TTC39B: variants seen among roughly 807,000 people sequenced by gnomAD.
TTC39B encodes the protein tetratricopeptide repeat protein 39B.
In TTC39B, 92 loss-of-function variants were observed where a neutral mutation model predicts 96.6. That is an observed-to-expected ratio of 0.95 (90% CI 0.80 to 1.13). The LOEUF (loss-of-function observed/expected upper bound fraction) is 1.13, where lower values mean the gene tolerates loss of function less well. TTC39B is among the 50% of genes most tolerant of loss of function. TTC39B has a pLI of 0.00. For synonymous variants in TTC39B, 367 were observed against 299.4 expected, an observed-to-expected ratio of 1.23 and a Z score of -2.33; for missense variants, 955 against 809.3, an observed-to-expected ratio of 1.18 and a Z score of -2.18.
At chr9:15,252,512 G>T (rs956912805) in intron 2 of TTC39B, among the ~76,000 whole-genome samples, 1 of 152,170 alleles carries the variant, frequency 6.6e-6, no homozygotes, top group Non-Finnish European at 1.5e-5. Context: ...GCCGGCCGTG[G>T]TGGCTTATGC....
chr9:15,214,220 C>A (rs1269219113), exon 4 of TTC39B: 1 of 1,613,984 alleles, frequency 6.2e-7, no homozygotes, highest in East Asian at 2.2e-5. Flanking sequence ...TTCGAGGCCA[C>A]TCTTGAGATC....
intron 3 of TTC39B, among the ~76,000 whole-genome samples, chr9:15,222,047 G>C (rs1364662584): frequency 2.6e-5 from 4 of 152,350 alleles, no homozygotes; most frequent in South Asian, 2.1e-4. Flanking sequence ...AGTAACGTAA[G>C]TACAGTCAGA....
At chr9:15,244,287 C>T (rs1315899780) in intron 2 of TTC39B, among the ~76,000 whole-genome samples, 1 of 152,252 alleles carries the variant, frequency 6.6e-6, no homozygotes, top group Non-Finnish European at 1.5e-5. Context: ...ATTATCCTCT[C>T]TTACCACATG....
chr9:15,199,962 C>CA (rs1171542379), intron 7 of TTC39B, 37 bp from the exon 8 acceptor site: 1 of 1,300,298 alleles, frequency 7.7e-7, no homozygotes, highest in Admixed American at 2.2e-5. Context: ...GATTATTTAG[C>CA]AAAAAATTTT....
At chr9:15,189,836 G>A in intron 11 of TTC39B, 44 bp from the exon 12 acceptor site, 2 of 1,372,426 alleles carry the variant, frequency 1.5e-6, no homozygotes, top group Non-Finnish European at 2.0e-6. Context: ...TAAGACATGG[G>A]GATATTTATA....
intron 17 of TTC39B, among the ~76,000 whole-genome samples, chr9:15,178,458 C>T (rs1394528784): frequency 1.3e-5 from 2 of 152,064 alleles, no homozygotes; most frequent in Non-Finnish European, 2.9e-5. Context: ...TGCCTGTAGT[C>T]CCAGCTACTC....
chr9:15,190,672 T>C lies in TTC39B; in HGVS notation c.997-10A>G. 1 of 1,604,464 alleles carries C rather than the reference T, an allele frequency of 6.2e-7. No homozygotes were observed. Among genetic ancestry groups the C allele is most frequent in the South Asian group, 1.1e-5 (1 of 90,762 alleles). On this transcript the variant is annotated splice_polypyrimidine_tract_variant and intron_variant, in intron 10 of 19. Coordinates refer to ENST00000512701, the Ensembl canonical transcript of TTC39B. ...GCAGGAGGCCCAACTCCTATGGGAA[T>C]TAAATGCATTTTTAGAAAGAGAACA...
At chr9:15,279,496 C>A (rs1478483544) in intron 1 of TTC39B, among the ~76,000 whole-genome samples, 3 of 152,198 alleles carry the variant, frequency 2.0e-5, no homozygotes, top group Non-Finnish European at 4.4e-5. Context: ...CCCAGTTTCA[C>A]CACCCACTGG....
At chr9:15,190,374 C>T (rs2118782931) in intron 11 of TTC39B, among the ~76,000 whole-genome samples, 180 bp downstream of exon 11, 1 of 152,162 alleles carries the variant, frequency 6.6e-6, no homozygotes, top group African/African-American at 2.4e-5. Flanking sequence ...CAGGATCTCG[C>T]TCTGTGGCCC....
At chr9:15,175,042 G>A (rs1308956595) in exon 19 of TTC39B, 9 of 1,613,488 alleles carry the variant, frequency 5.6e-6, no homozygotes, top group African/African-American at 1.3e-5. Flanking sequence ...GGAACTTTAT[G>A]GCCTTGTCAA....
chr9:15,189,597 ACT>A lies in TTC39B; in HGVS notation c.1208_1209del (p.Glu403ValfsTer7), dbSNP rs2118764883. The stretch of plus-strand genomic sequence containing the variant: ...ACCTCTTCAAGATTCCCTTTCAGCA[ACT>A]CTATTCGGGCATGATAAAACAACAC... On this transcript the variant is annotated frameshift_variant, in exon 13 of 20. Transcript: ENST00000512701. LOFTEE classifies it high-confidence loss of function. 1.2e-6 allele frequency: 2 copies of A among 1,614,074 alleles called. 1 individual carries two copies. The highest frequency in any genetic ancestry group is 4.5e-5 in the East Asian group (2 of 44,876).
chr9:15,199,021 C>T (rs1235409893), intron 8 of TTC39B, among the ~76,000 whole-genome samples: 1 of 152,086 alleles, frequency 6.6e-6, no homozygotes, highest in Non-Finnish European at 1.5e-5. Flanking sequence ...ATTATAAAAG[C>T]CTAACAACAG....
chr9:15,207,843 G>A (rs1055682230), intron 6 of TTC39B, among the ~76,000 whole-genome samples: 7 of 151,094 alleles, frequency 4.6e-5, no homozygotes, highest in African/African-American at 1.7e-4. Flanking sequence ...AATTAGCCAG[G>A]CGTGGTGGCG....
chr9:15,249,618 A>G, intron 2 of TTC39B: 1 of 165,480 alleles, frequency 6.0e-6, no homozygotes, highest in Non-Finnish European at 1.3e-5. Flanking sequence ...TAAACCAGCC[A>G]TGGCATCCCG....
intron 7 of TTC39B, among the ~76,000 whole-genome samples, chr9:15,200,494 C>T (rs537230235): frequency 6.6e-6 from 1 of 152,352 alleles, no homozygotes; most frequent in South Asian, 2.1e-4. Flanking sequence ...AACAACACCA[C>T]TTCAATTCTG....
intron 2 of TTC39B, among the ~76,000 whole-genome samples, chr9:15,259,344 T>A (rs1287002214): frequency 6.6e-6 from 1 of 152,136 alleles, no homozygotes; most frequent in East Asian, 1.9e-4. Context: ...TTGTTGGGGG[T>A]TACACCATTT....
At chr9:15,221,034 T>C (rs1284293056) in intron 3 of TTC39B, among the ~76,000 whole-genome samples, 4 of 152,192 alleles carry the variant, frequency 2.6e-5, no homozygotes, top group African/African-American at 9.7e-5. Context: ...CATGCACATA[T>C]CTGGTGATGA....
chr9:15,203,001 A>G (rs1819631868), intron 7 of TTC39B, among the ~76,000 whole-genome samples: 1 of 152,180 alleles, frequency 6.6e-6, no homozygotes, highest in Non-Finnish European at 1.5e-5. Context: ...TGCTCTTCCA[A>G]AGGAAGAAAT....
chr9:15,300,623 C>T (rs866117224), intron 1 of TTC39B, among the ~76,000 whole-genome samples: 4 of 152,172 alleles, frequency 2.6e-5, no homozygotes, highest in African/African-American at 4.8e-5. Flanking sequence ...CAGTGGCTCA[C>T]GCCTGTAATC....
Sources: gnomAD v4.1 joint callset for allele counts (sites outside exome capture counted in the v4.1 genomes callset) on GRCh38, gnomAD v4.1.1 for gene constraint, MANE v1.5 for transcripts, NCBI Gene and HGNC (gene_info 2026-07-23, HGNC 2026-07-21) for gene names.